Variants in TSPEAR observed in about 807,000 individuals in gnomAD.
TSPEAR encodes the protein thrombospondin type laminin G domain and EAR repeats, also known as thrombospondin-type laminin G domain and EAR repeat-containing protein.
TSPEAR carries 69 observed loss-of-function variants against 71.6 expected under a neutral mutation model. That is an observed-to-expected ratio of 0.96 (90% CI 0.79 to 1.18). TSPEAR has a LOEUF of 1.18. TSPEAR is among the 50% of genes most tolerant of loss of function. The pLI is 0.00. For missense variants in TSPEAR, 971 were observed against 894.9 expected (o/e 1.09, Z -1.09); for synonymous variants, 402 against 387.2 (o/e 1.04, Z -0.45).
chr21:44,559,159 G>A (rs1555920597), intron 2 of TSPEAR, among the ~76,000 whole-genome samples: 1 of 152,208 alleles, frequency 6.6e-6, no homozygotes, highest in Non-Finnish European at 1.5e-5. Flanking sequence ...ATGAGGTTAG[G>A]AGAACCTCAG....
chr21:44,625,563 T>C (rs2146199158), intron 1 of TSPEAR, among the ~76,000 whole-genome samples: 1 of 152,324 alleles, frequency 6.6e-6, no homozygotes. Context: ...GTTCAAAACT[T>C]TTCTATCCTG....
At chr21:44,644,156 C>A (rs1473654788) in intron 1 of TSPEAR, among the ~76,000 whole-genome samples, 3 of 152,142 alleles carry the variant, frequency 2.0e-5, no homozygotes, top group Non-Finnish European at 2.9e-5. Context: ...ATGGTTTGAT[C>A]ATTTGATTGT....
At chr21:44,706,927 C>G (rs1987954878) in intron 1 of TSPEAR, among the ~76,000 whole-genome samples, 1 of 152,214 alleles carries the variant, frequency 6.6e-6, no homozygotes, top group African/African-American at 2.4e-5. Flanking sequence ...GAAAAGTGAG[C>G]CATCGAGAGA....
intron 1 of TSPEAR, among the ~76,000 whole-genome samples, chr21:44,661,464 C>T (rs76605125): frequency 1.8e-4 from 28 of 152,116 alleles, no homozygotes; most frequent in African/African-American, 6.3e-4. Flanking sequence ...GATGAAGTGG[C>T]GTCATATTAC....
rs938704483 is a variant in TSPEAR at position 44,646,769 on chromosome 21, G to A, written c.82+64664C>T. ...CAGCAGGCCTGCTGTGTGCCTGTCTGCTGCAAGACTGTCTGCTGCAAGCCT... is the reference window on the plus strand; with the variant it reads ...CAGCAGGCCTGCTGTGTGCCTGTCTACTGCAAGACTGTCTGCTGCAAGCCT... On this transcript the variant is annotated intron_variant, in intron 1 of 11. Coordinates refer to ENST00000323084, the MANE Select transcript of TSPEAR (RefSeq NM_144991.3). 3 of 1,613,624 alleles carry A rather than the reference G, an allele frequency of 1.9e-6. No individual in the cohort carries two copies. Among genetic ancestry groups the A allele is most frequent in the Non-Finnish European group, 2.5e-6 (3 of 1,179,754 alleles).
intron 2 of TSPEAR, chr21:44,550,429 G>A: frequency 3.1e-6 from 2 of 635,744 alleles, no homozygotes; most frequent in South Asian, 4.0e-5. Context: ...CAGGTCAGGA[G>A]GGCCCATCCC....
At position 44,711,520 on chromosome 21, in the gene TSPEAR, G is replaced by A. The variant is rs782237610; in HGVS notation, c.-6C>T. 1.9e-6 allele frequency: 3 copies of A among 1,609,920 alleles called. No homozygotes were observed. Among genetic ancestry groups the A allele is most frequent in the Admixed American group, 3.4e-5 (2 of 59,650 alleles). ...AGACTCAGCAGGGCAGACATGAGGG[G>A]CTTGGGTGCCAAGCTCCATCCAGGG... On this transcript the variant is annotated 5_prime_UTR_variant, in exon 1 of 12. Transcript: ENST00000323084. This position sits in a 1 kb window ranked among gnomAD's most constrained non-coding sequence, Gnocchi z 4.5.
Position 44,551,300 on chromosome 21 carries a change from C to G in TSPEAR, c.303+16485G>C, listed in dbSNP as rs587703858. On this transcript the variant is annotated intron_variant, in intron 2 of 11. Coordinates refer to ENST00000323084, the MANE Select transcript of TSPEAR (RefSeq NM_144991.3). ...AGGCCGCCTGGCAGCAGGGGCTGGA[C>G]ACACAGCTCACTGGGGTGCAGACCA... 1.4e-5 allele frequency: 22 copies of G among 1,613,438 alleles called. No homozygotes were observed. The South Asian group carries it at 2.4e-4, about 18-fold the overall frequency.
chr21:44,626,996 G>A (rs62220924), intron 1 of TSPEAR: 74,240 of 1,002,494 alleles, frequency 0.074, 5,984 homozygotes, highest in African/African-American at 0.36. Flanking sequence ...CCTAATCATG[G>A]CAGACGCCGC....
Position 44,567,874 on chromosome 21 carries a change from G to C in TSPEAR, c.214C>G (p.Pro72Ala), listed in dbSNP as rs1424073073. 6.2e-7 allele frequency: 1 copy of C among 1,608,422 alleles called. No individual in the cohort carries two copies. Among genetic ancestry groups the C allele is most frequent in the Non-Finnish European group, 8.5e-7 (1 of 1,176,486 alleles). ...CACTGGGAGAAAATCCTGGATGCTG[G>C]GAAGCTCATGGTGCGGGGGGCGGCT... ...SVAAPRTMSF[P>A]ASRIFSQCDL... The change falls in exon 2 of 12, where the codon CCA (proline) becomes GCA (alanine). Residue 72 changes from proline to alanine, a missense_variant. Pro to Ala is a conservative substitution (Grantham distance 27). Transcript: ENST00000323084.
chr21:44,574,754 C>T (rs1978322264), intron 1 of TSPEAR: 2 of 1,613,924 alleles, frequency 1.2e-6, no homozygotes, highest in Non-Finnish European at 1.7e-6. Flanking sequence ...TGCCTGTTTG[C>T]TCTGGGGCTT....
At chr21:44,662,044 T>G (rs1985525213) in intron 1 of TSPEAR, among the ~76,000 whole-genome samples, 1 of 152,124 alleles carries the variant, frequency 6.6e-6, no homozygotes, top group Non-Finnish European at 1.5e-5. Context: ...AAAAGTGGCA[T>G]AGAAAGAGGG....
chr21:44,696,372 C>G (rs542853587), intron 1 of TSPEAR, among the ~76,000 whole-genome samples: 1 of 152,228 alleles, frequency 6.6e-6, no homozygotes, highest in Non-Finnish European at 1.5e-5. Flanking sequence ...GCCTGCCAGG[C>G]CTCCAGTGTA....
At chr21:44,587,190 G>A (rs1181357598) in intron 1 of TSPEAR, among the ~76,000 whole-genome samples, 1 of 152,196 alleles carries the variant, frequency 6.6e-6, no homozygotes. Flanking sequence ...ATTCAGCAAA[G>A]TTTCCAGATG....
In TSPEAR at chr21:44,509,245, C is replaced by T. The variant is rs372331971; in HGVS notation, c.1708G>A (p.Val570Met). ...VINSVIYELN[V>M]TAQAFVKFQD... ...AACTTGACAAAGGCCTGCGCGGTCA[C>T]GTTCAGCTCGTAGATGACGGAGTTG... Residue 570 changes from valine to methionine, a missense_variant, in exon 10 of 12, where the codon GTG (valine) becomes ATG (methionine). Coordinates refer to ENST00000323084, the MANE Select transcript of TSPEAR (RefSeq NM_144991.3). The T allele has an allele frequency of 1.6e-4, 256 of 1,614,048 alleles. No homozygotes were observed. Among genetic ancestry groups the T allele is most frequent in the Non-Finnish European group, 2.1e-4 (243 of 1,180,010 alleles).
intron 2 of TSPEAR, chr21:44,558,393 A>ATGGG: frequency 6.2e-7 from 1 of 1,613,010 alleles, no homozygotes; most frequent in South Asian, 1.1e-5. Flanking sequence ...CACACAGCAG[A>ATGGG]CTGGCTTGCA....
rs587618374 is a variant in TSPEAR, at chr21:44,541,006, T to C, written c.304-7083A>G. Among the ~76,000 whole-genome samples, 11 of 150,922 alleles carry C rather than the reference T, an allele frequency of 7.3e-5. No individual in the cohort carries two copies. In the South Asian group the frequency reaches 2.3e-3, roughly 32 times the overall value. Reference sequence around the variant, plus strand: ...TTTTTTTTTTTTTGTACAGATGGCGTCTCAAGTGATCCCTCCTGCCTTGGC... The same window carrying C: ...TTTTTTTTTTTTTGTACAGATGGCGCCTCAAGTGATCCCTCCTGCCTTGGC... On this transcript the variant is annotated intron_variant, in intron 2 of 11. Coordinates refer to ENST00000323084, the MANE Select transcript of TSPEAR (RefSeq NM_144991.3).
chr21:44,574,998 C>T (rs782484286), intron 1 of TSPEAR: 1 of 1,608,138 alleles, frequency 6.2e-7, no homozygotes, highest in African/African-American at 1.3e-5. Flanking sequence ...CTGCTGAGGC[C>T]TCCGCTCAGG....
chr21:44,557,772 T>C (rs1472260507), intron 2 of TSPEAR: 3 of 500,040 alleles, frequency 6.0e-6, no homozygotes, highest in East Asian at 3.2e-5. Flanking sequence ...TTGCCAGATA[T>C]GCAAAAAAGA....
Sources: gnomAD v4.1 joint callset for allele counts (sites outside exome capture counted in the v4.1 genomes callset) on GRCh38, gnomAD v4.1.1 for gene constraint, Gnocchi (gnomAD v3.1) non-coding constraint, MANE v1.5 for transcripts, NCBI Gene and HGNC (gene_info 2026-07-23, HGNC 2026-07-21) for gene names.